TJP1: variants seen among roughly 807,000 people sequenced by gnomAD.
TJP1 encodes the protein tight junction protein ZO-1.
Under a neutral mutation model 194.2 loss-of-function variants are expected in TJP1, and 43 were observed. The ratio of observed to expected loss-of-function variants is 0.22; its 90% CI spans 0.17 to 0.29. The LOEUF (loss-of-function observed/expected upper bound fraction) is 0.29, where lower values mean the gene tolerates loss of function less well. Ranked by LOEUF, TJP1 falls within the 10% of genes least tolerant of loss-of-function variation. The pLI, the probability that TJP1 is intolerant of heterozygous loss-of-function variation, is 1.00. For missense variants in TJP1, 1,971 were observed against 2,185.7 expected (o/e 0.90, Z 1.96); for synonymous variants, 801 against 779.0 (o/e 1.03, Z -0.47).
At chr15:29,785,010 C>T (rs982177123) in intron 2 of TJP1, among the ~76,000 whole-genome samples, 3 of 152,168 alleles carry the variant, frequency 2.0e-5, no homozygotes, top group Admixed American at 2.0e-4. Flanking sequence ...TATCATGGTA[C>T]CTTCCCAAGG....
chr15:29,837,749 A>G (rs1292062015), intron 2 of TJP1, among the ~76,000 whole-genome samples: 1 of 152,194 alleles, frequency 6.6e-6, no homozygotes, highest in African/African-American at 2.4e-5. Flanking sequence ...TTTCTGCCCC[A>G]TGACACAGTG....
intron 2 of TJP1, among the ~76,000 whole-genome samples, chr15:29,791,442 A>T (rs2048083600): frequency 9.4e-6 from 1 of 106,092 alleles, no homozygotes; most frequent in African/African-American, 3.9e-5. Flanking sequence ...TTTTTTTGAG[A>T]CAGAGTCTGG....
At chr15:29,817,012 G>C (rs565441399) in intron 1 of TJP1, among the ~76,000 whole-genome samples, 2 of 152,292 alleles carry the variant, frequency 1.3e-5, no homozygotes, top group South Asian at 2.1e-4. Context: ...CTATCAGAGT[G>C]AACAGGCAAC....
chr15:29,891,018 G>T (rs74752531), intron 2 of TJP1, among the ~76,000 whole-genome samples: 3,617 of 152,292 alleles, frequency 0.024, 62 homozygotes, highest in Middle Eastern at 0.044. Context: ...CTTGGTGCAG[G>T]GCCCACATTC....
intron 2 of TJP1, among the ~76,000 whole-genome samples, chr15:29,855,780 C>G (rs1332405614): frequency 9.9e-5 from 15 of 151,778 alleles, no homozygotes; most frequent in African/African-American, 3.6e-4. Flanking sequence ...CGCTTGAACT[C>G]AGGAGATGGA....
chr15:29,756,995 C>T (rs539664440), intron 8 of TJP1, among the ~76,000 whole-genome samples: 30 of 152,204 alleles, frequency 2.0e-4, no homozygotes, highest in African/African-American at 6.7e-4. Flanking sequence ...ATTACAGTAG[C>T]GAACACATGT....
In TJP1 at chr15:29,840,312, C is replaced by A. The variant is rs377456630; in HGVS notation, c.307-39610G>T. 7.9e-5 allele frequency among the ~76,000 whole-genome samples: 12 copies of A among 152,250 alleles called. 1 individual carries two copies. Among genetic ancestry groups the A allele is most frequent in the Admixed American group, 5.2e-4 (8 of 15,292 alleles). On this transcript the variant is annotated intron_variant, in intron 2 of 28. Coordinates refer to the TJP1 transcript ENST00000356107. ...GCATCAAGTCTAACAGGTCTTCACC[C>A]AGTCCTAAGTCCTCTCTCTTATGAA...
intron 25 of TJP1, among the ~76,000 whole-genome samples, chr15:29,707,504 C>G (rs2041971200): frequency 1.3e-5 from 2 of 152,192 alleles, no homozygotes; most frequent in African/African-American, 4.8e-5. Context: ...CCATAACCAT[C>G]CTTTCTCTTG....
intron 2 of TJP1, among the ~76,000 whole-genome samples, chr15:29,952,358 G>T (rs773455342): frequency 6.6e-6 from 1 of 152,144 alleles, no homozygotes; most frequent in Non-Finnish European, 1.5e-5. Context: ...AGTAAACTAG[G>T]ATGCCAATCA....
chr15:29,813,876 C>G (rs1218942466), intron 1 of TJP1, among the ~76,000 whole-genome samples: 2 of 152,204 alleles, frequency 1.3e-5, no homozygotes, highest in Non-Finnish European at 2.9e-5. Flanking sequence ...AGGTAACCAA[C>G]AAATATCTGC....
chr15:29,820,701 A>C, intron 1 of TJP1: 2 of 602,294 alleles, frequency 3.3e-6, no homozygotes, highest in Non-Finnish European at 6.0e-6. Flanking sequence ...CAGAAAAGAC[A>C]AATAATGGGA....
chr15:29,886,603 TA>T (rs145605450), intron 2 of TJP1, among the ~76,000 whole-genome samples: 27 of 145,164 alleles, frequency 1.9e-4, no homozygotes, highest in Admixed American at 2.1e-4. Flanking sequence ...GGCCATGTCT[TA>T]AAAAAAAAAG....
chr15:29,775,216 T>G (rs2151666771), intron 2 of TJP1, among the ~76,000 whole-genome samples: 1 of 152,190 alleles, frequency 6.6e-6, no homozygotes, highest in African/African-American at 2.4e-5. Flanking sequence ...CTTATTTTAC[T>G]TAATCATGAC....
At chr15:29,837,019 T>A (rs1238323441) in intron 2 of TJP1, among the ~76,000 whole-genome samples, 2 of 152,228 alleles carry the variant, frequency 1.3e-5, no homozygotes, top group Non-Finnish European at 2.9e-5. Context: ...GATATTTTGC[T>A]ATAGCAACAC....
intron 9 of TJP1, among the ~76,000 whole-genome samples, chr15:29,741,694 T>TA (rs1192592516): frequency 6.6e-6 from 1 of 152,042 alleles, no homozygotes; most frequent in Non-Finnish European, 1.5e-5. Flanking sequence ...TAACAAAAAA[T>TA]AGATATGAGA....
chr15:29,927,365 C>T (rs1012183613), intron 2 of TJP1, among the ~76,000 whole-genome samples: 1 of 151,998 alleles, frequency 6.6e-6, no homozygotes, highest in African/African-American at 2.4e-5. Flanking sequence ...TATCCAAGTA[C>T]ATCATAAATC....
At chr15:29,776,496 T>C (rs1198432969) in intron 2 of TJP1, among the ~76,000 whole-genome samples, 1 of 152,164 alleles carries the variant, frequency 6.6e-6, no homozygotes, top group Non-Finnish European at 1.5e-5. Flanking sequence ...CGAAAATTCA[T>C]GTTTGACTTT....
chr15:29,948,063 A>C (rs1232909513), intron 2 of TJP1, among the ~76,000 whole-genome samples: 2 of 152,076 alleles, frequency 1.3e-5, no homozygotes, highest in African/African-American at 4.8e-5. Flanking sequence ...TCAAGAGATC[A>C]AGACCATCCT....
chr15:29,935,868 C>T (rs76280009), intron 2 of TJP1, among the ~76,000 whole-genome samples: 7,673 of 152,208 alleles, frequency 0.05, 244 homozygotes, highest in South Asian at 0.1. Flanking sequence ...CAGCTCTCCA[C>T]TGCCACCCCC....
Sources: gnomAD v4.1 joint callset for allele counts (sites outside exome capture counted in the v4.1 genomes callset) on GRCh38, gnomAD v4.1.1 for gene constraint, MANE v1.5 for transcripts, NCBI Gene and HGNC (gene_info 2026-07-23, HGNC 2026-07-21) for gene names.